The following NDRG2 variants were observed in gnomAD, a reference collection of about 807,000 sequenced individuals.
NDRG2 encodes NDRG family member 2, also known as protein NDRG2.
In NDRG2, 34 loss-of-function variants were observed where a neutral mutation model predicts 58.2. That is an observed-to-expected ratio of 0.58 (90% CI 0.44 to 0.78). The LOEUF (loss-of-function observed/expected upper bound fraction) is 0.78, where lower values mean the gene tolerates loss of function less well. Among genes scored for constraint, NDRG2 ranks in the 30% least tolerant of loss-of-function variants. The pLI is 0.00. For missense variants in NDRG2, 434 were observed against 471.2 expected (o/e 0.92, Z 0.73); for synonymous variants, 187 against 175.9 (o/e 1.06, Z -0.50).
At chr14:21,018,090 A>G in intron 14 of NDRG2, 52 bp from the exon 15 acceptor site, 2 of 1,606,128 alleles carry the variant, frequency 1.2e-6, no homozygotes, top group Non-Finnish European at 1.7e-6. Context: ...TTAGAGGAAG[A>G]GCTGGAGCCT....
intron 6 of NDRG2, chr14:21,021,581 G>T: frequency 1.9e-6 from 1 of 539,036 alleles, no homozygotes. Context: ...CCTGAGGCAG[G>T]GCCAAGCATA....
chr14:21,024,168 A>C lies in NDRG2; in HGVS notation c.-145T>G, dbSNP rs942950416. ...GGGTCTTTCAGGGACGGAAAGCCTC[A>C]GCCAAGACCCAGACTCCCAGGGTCA... is the stretch of plus-strand genomic sequence containing the variant. On this transcript the variant is annotated 5_prime_UTR_variant, in exon 1 of 16. Coordinates refer to ENST00000556147, the MANE Select transcript of NDRG2 (RefSeq NM_001320329.2). 5 of 985,436 alleles carry C rather than the reference A, an allele frequency of 5.1e-6. No homozygotes were observed. Among genetic ancestry groups the C allele is most frequent in the Non-Finnish European group, 6.0e-6 (5 of 829,954 alleles). The allele number at this position is 985,436 out of a possible 1,614,324, so 61.0% of individuals were successfully genotyped here.
upstream of NDRG2, among the ~76,000 whole-genome samples, chr14:21,027,907 G>A (rs1331536516): frequency 1.3e-5 from 2 of 152,228 alleles, no homozygotes; most frequent in Non-Finnish European, 2.9e-5. Context: ...CACAGAGAGA[G>A]CATGAAGGAC....
intron 1 of NDRG2, among the ~76,000 whole-genome samples, chr14:21,045,711 T>C (rs1385106347): frequency 6.6e-6 from 1 of 152,234 alleles, no homozygotes; most frequent in Non-Finnish European, 1.5e-5. Context: ...ATAAGAAGAA[T>C]TTCCAACTAA....
intron 1 of NDRG2, among the ~76,000 whole-genome samples, chr14:21,044,875 T>G (rs1333683674): frequency 6.6e-6 from 1 of 152,200 alleles, no homozygotes; most frequent in Non-Finnish European, 1.5e-5. Flanking sequence ...TTTTTACTAC[T>G]GACCAGAGTC....
At chr14:21,019,473 T>C in intron 10 of NDRG2, 166 bp downstream of exon 10, 1 of 615,324 alleles carries the variant, frequency 1.6e-6, no homozygotes, top group Non-Finnish European at 2.9e-6. Flanking sequence ...CTTGCAATCC[T>C]TCCCACTGAC....
intron 1 of NDRG2, among the ~76,000 whole-genome samples, chr14:21,054,551 G>A (rs755753861): frequency 1.3e-5 from 2 of 152,166 alleles, no homozygotes; most frequent in Non-Finnish European, 2.9e-5. Context: ...GGCTCCTGCT[G>A]CCATCCCCAC....
chr14:21,026,636 A>G (rs1029187575), upstream of NDRG2, among the ~76,000 whole-genome samples: 1 of 151,974 alleles, frequency 6.6e-6, no homozygotes, highest in Middle Eastern at 3.2e-3. Context: ...CCACAGTAGG[A>G]AAACTGGTCG....
chr14:21,019,358 G>A (rs970797318), intron 10 of NDRG2, among the ~76,000 whole-genome samples, 198 bp from the exon 11 acceptor site: 1 of 152,128 alleles, frequency 6.6e-6, no homozygotes, highest in Non-Finnish European at 1.5e-5. Context: ...CTAGATCCCT[G>A]GTCAGAGGGC....
At chr14:21,039,947 G>A (rs1884814353) in intron 1 of NDRG2, among the ~76,000 whole-genome samples, 1 of 152,200 alleles carries the variant, frequency 6.6e-6, no homozygotes, top group Non-Finnish European at 1.5e-5. Flanking sequence ...CTAGGATAAT[G>A]AGAAGTAGAA....
chr14:21,070,502 G>A lies in NDRG2; in HGVS notation c.24+326C>T. The A allele has an allele frequency of 7.5e-7, 1 of 1,331,948 alleles. No individual in the cohort carries two copies. The highest frequency in any genetic ancestry group is 9.7e-7 in the Non-Finnish European group (1 of 1,026,420). 82.5% of individuals were successfully genotyped at this position (1,331,948 alleles called of 1,614,324 possible). A position where few individuals can be genotyped will look rare whatever the true frequency, so the allele number is the denominator to read the frequency against. ...GTGCCTCCCGAGCCTGCCTCGGACT[G>A]TTCGGCCCCTCTGGGACTCTCCTCC... On this transcript the variant is annotated intron_variant, in intron 1 of 14. Coordinates refer to the NDRG2 transcript ENST00000403829. The surrounding 1 kb of genome is among the most constrained non-coding windows in gnomAD (Gnocchi z 4.7).
At chr14:21,018,127 G>T in intron 14 of NDRG2, 77 bp downstream of exon 14, 1 of 1,599,090 alleles carries the variant, frequency 6.3e-7, no homozygotes, top group Non-Finnish European at 8.6e-7. Context: ...GGGGCCGGGT[G>T]TGTGGCAAAG....
intron 1 of NDRG2, among the ~76,000 whole-genome samples, chr14:21,056,751 C>G (rs1225305039): frequency 6.6e-6 from 1 of 152,212 alleles, no homozygotes; most frequent in Non-Finnish European, 1.5e-5. Flanking sequence ...TCAGGAAGCT[C>G]TTAGCCCCAG....
rs757715719 is a variant in NDRG2, at chr14:21,017,778, G to A, written c.950-16C>T. On this transcript the variant is annotated splice_polypyrimidine_tract_variant and intron_variant, in intron 15 of 15. Transcript: ENST00000556147. ...GATGAGGCCACTGTGGAGACAGCAC[G>A]ATGCACAAGCAGTCAGAGAGGAAGT... The A allele has an allele frequency of 1.7e-5, 27 of 1,602,650 alleles. No individual in the cohort carries two copies. The highest frequency in any genetic ancestry group is 4.5e-5 in the East Asian group (2 of 44,412).
intron 1 of NDRG2, among the ~76,000 whole-genome samples, chr14:21,050,212 T>G (rs1219902555): frequency 1.3e-5 from 2 of 152,210 alleles, no homozygotes; most frequent in Non-Finnish European, 2.9e-5. Flanking sequence ...ATTTCTGACC[T>G]TCACCTGAAT....
At chr14:21,025,212 A>G, upstream of NDRG2, 1 of 860,872 alleles carries the variant, frequency 1.2e-6, no homozygotes, top group Non-Finnish European at 1.4e-6. This position sits in a 1 kb window ranked among gnomAD's most constrained non-coding sequence, Gnocchi z 5.1. Flanking sequence ...ACTGCCGCTC[A>G]GGAAAGGGTT....
chr14:21,019,881 G>A (rs1418146530), intron 9 of NDRG2, 39 bp downstream of exon 9: 1 of 1,604,786 alleles, frequency 6.2e-7, no homozygotes, highest in African/African-American at 1.3e-5. Context: ...GTTCCCTGCT[G>A]CTCCCGTCGA....
chr14:21,038,157 C>T (rs1334139597), intron 1 of NDRG2, among the ~76,000 whole-genome samples: 1 of 152,172 alleles, frequency 6.6e-6, no homozygotes, highest in African/African-American at 2.4e-5. Context: ...GTCTAGAAGC[C>T]GCATTGTCAC....
At chr14:21,065,523 T>C (rs1886216669) in intron 1 of NDRG2, among the ~76,000 whole-genome samples, 2 of 152,214 alleles carry the variant, frequency 1.3e-5, no homozygotes, top group African/African-American at 4.8e-5. Flanking sequence ...AAGGTGAGTC[T>C]ATTATGATAG....
Sources: allele counts gnomAD v4.1 joint callset (sites outside exome capture counted in the v4.1 genomes callset), GRCh38; gene constraint gnomAD v4.1.1; non-coding constraint Gnocchi (gnomAD v3.1); transcripts MANE v1.5; gene names NCBI Gene and HGNC (gene_info 2026-07-23, HGNC 2026-07-21).